The following RANBP3 variants were observed in gnomAD, a reference collection of about 807,000 sequenced individuals.
RANBP3 encodes RAN binding protein 3.
RANBP3 carries 14 observed loss-of-function variants against 77.3 expected under a neutral mutation model. That is an observed-to-expected ratio of 0.18 (90% CI 0.12 to 0.28). RANBP3 has a LOEUF of 0.28. Among genes scored for constraint, RANBP3 ranks in the 10% least tolerant of loss-of-function variants. The probability of loss-of-function intolerance (pLI) is 1.00; values close to 1 mark genes in which losing one functional copy is unlikely to be tolerated. For missense variants in RANBP3, 586 were observed against 752.3 expected, an observed-to-expected ratio of 0.78 and a Z score of 2.59; for synonymous variants, 315 against 312.4, an observed-to-expected ratio of 1.01 and a Z score of -0.09.
At chr19:5,970,062 T>C (rs1459183148) in intron 1 of RANBP3, among the ~76,000 whole-genome samples, 1 of 152,150 alleles carries the variant, frequency 6.6e-6, no homozygotes, top group East Asian at 1.9e-4. Flanking sequence ...ATTGTGACTG[T>C]CATGTTTGTG....
chr19:5,932,474 C>A lies in RANBP3; in HGVS notation c.543G>T (p.Gln181His). The part of the protein sequence containing the change: ...VLRPAVLQAP[Q>H]PKALSQTVPS... ...TACCAGTCTGGGACAGCGCCTTTGG[C>A]TGCGGAGCTTGTAACACTGCCGGGC... Residue 181 changes from glutamine (Q) to histidine (H), a missense_variant, in exon 7 of 17, where the codon CAG becomes CAT. Gln to His is a conservative substitution (Grantham distance 24, BLOSUM62 0). This residue lies in a region of RANBP3 where 232 missense variants were observed against 271.7 expected (regional missense o/e 0.85). Coordinates refer to ENST00000340578, the MANE Select transcript of RANBP3 (RefSeq NM_007322.3). The A allele has an allele frequency of 6.2e-7, 1 of 1,613,922 alleles. No homozygotes were observed. The highest frequency in any genetic ancestry group is 8.5e-7 in the Non-Finnish European group (1 of 1,180,008).
intron 7 of RANBP3, among the ~76,000 whole-genome samples, chr19:5,931,870 AATAAG>A (rs2057996974): frequency 6.6e-6 from 1 of 151,926 alleles, no homozygotes; most frequent in African/African-American, 2.4e-5. Flanking sequence ...TCGTTTCTAA[AATAAG>A]ATAAAACAAA....
chr19:5,923,528 G>A (rs1015546542), intron 12 of RANBP3, among the ~76,000 whole-genome samples: 9 of 152,098 alleles, frequency 5.9e-5, no homozygotes, highest in Non-Finnish European at 1.0e-4. Context: ...CCAGACTCTC[G>A]TGTTCGTGCC....
intron 3 of RANBP3, among the ~76,000 whole-genome samples, chr19:5,948,318 G>A (rs1186912988): frequency 2.6e-5 from 4 of 152,150 alleles, no homozygotes; most frequent in African/African-American, 9.7e-5. Context: ...TGGGCATGGT[G>A]GCGGGCGCCT....
intron 1 of RANBP3, chr19:5,965,921 T>C (rs2145252403): frequency 6.6e-6 from 1 of 152,264 alleles, no homozygotes; most frequent in South Asian, 2.1e-4. Flanking sequence ...TACACCAACA[T>C]CCTTTCACAG....
intron 2 of RANBP3, among the ~76,000 whole-genome samples, chr19:5,955,831 T>C (rs1012698861): frequency 6.6e-6 from 1 of 152,220 alleles, no homozygotes; most frequent in African/African-American, 2.4e-5. Context: ...TCTGTTCTTG[T>C]TGGCTCATGC....
intron 1 of RANBP3, among the ~76,000 whole-genome samples, chr19:5,976,035 G>C (rs568537350): frequency 7.6e-4 from 116 of 152,232 alleles, no homozygotes; most frequent in African/African-American, 2.7e-3. Flanking sequence ...TGACGGTGTT[G>C]GTGGGGAGAA....
intron 1 of RANBP3, among the ~76,000 whole-genome samples, chr19:5,973,711 G>T (rs1568485250): frequency 6.6e-6 from 1 of 152,230 alleles, no homozygotes; most frequent in Non-Finnish European, 1.5e-5. Flanking sequence ...CCCTTCAGCT[G>T]AATGTGTCCA....
At chr19:5,939,241 G>A (rs1449599086) in intron 5 of RANBP3, among the ~76,000 whole-genome samples, 1 of 152,162 alleles carries the variant, frequency 6.6e-6, no homozygotes, top group South Asian at 2.1e-4. Flanking sequence ...TTTGAAAAAT[G>A]AGTGATACAT....
Position 5,978,069 on chromosome 19 carries a change from G to A in RANBP3, c.14C>T (p.Ala5Val), listed in dbSNP as rs780268362. The A allele has an allele frequency of 3.7e-6, 6 of 1,610,294 alleles. No homozygotes were observed. The highest frequency in any genetic ancestry group is 2.2e-5 in the South Asian group (2 of 90,486). MADL[A>V]NEEKPAIAPP... ...AACGGCGCCTCCCCTACCTTCGTTCGCCAGGTCCGCCATTTTACTTCCTTA... is the reference window on the plus strand; with the variant it reads ...AACGGCGCCTCCCCTACCTTCGTTCACCAGGTCCGCCATTTTACTTCCTTA... Residue 5 changes from alanine to valine, a missense_variant, in exon 1 of 17, where the codon GCG becomes GTG. Ala to Val is a moderately conservative substitution (Grantham distance 64). This residue lies in a region of RANBP3 where 172 missense variants were observed against 183.4 expected (regional missense o/e 0.94). Transcript: ENST00000340578.
At chr19:5,925,402 C>G (rs966329326) in intron 10 of RANBP3, 1 of 584,450 alleles carries the variant, frequency 1.7e-6, no homozygotes, top group Non-Finnish European at 3.1e-6. Flanking sequence ...CCCTGGACAA[C>G]CCCACAGAAC....
At chr19:5,946,446 T>G (rs1159405424) in intron 3 of RANBP3, among the ~76,000 whole-genome samples, 1 of 152,148 alleles carries the variant, frequency 6.6e-6, no homozygotes, top group African/African-American at 2.4e-5. Flanking sequence ...TCTAAGAGCC[T>G]GCCTGCAACA....
At position 5,927,982 on chromosome 19, in the gene RANBP3, T is replaced by C. The variant is rs1481758440; in HGVS notation, c.799A>G (p.Arg267Gly). Residue 267 changes from arginine (R) to glycine (G), a missense_variant, in exon 9 of 17, where the codon AGG becomes GGG. Around this residue, in one of 5 missense-constraint regions of RANBP3, gnomAD observed 232 missense variants for 271.7 expected, o/e 0.85. Coordinates refer to ENST00000340578, the MANE Select transcript of RANBP3 (RefSeq NM_007322.3). ...QQAFVFGQNL[R>G]DRVKLINESV... is the part of the protein sequence containing the mutation. ...AGCTCACATACCTTAACTCTGTCCC[T>C]CAAGTTCTGCCCAAATACAAAGGCT... is the stretch of plus-strand genomic sequence containing the variant. The C allele has an allele frequency of 6.2e-7, 1 of 1,612,738 alleles. No homozygotes were observed. The highest frequency in any genetic ancestry group is 2.2e-5 in the East Asian group (1 of 44,826).
intron 9 of RANBP3, among the ~76,000 whole-genome samples, chr19:5,926,274 C>A (rs1020232828): frequency 6.6e-6 from 1 of 152,070 alleles, no homozygotes; most frequent in South Asian, 2.1e-4. Flanking sequence ...TGGCTGGGCG[C>A]GGTGGCTCGT....
At chr19:5,964,819 T>C (rs565809892) in intron 1 of RANBP3, among the ~76,000 whole-genome samples, 19 of 70,856 alleles carry the variant, frequency 2.7e-4, no homozygotes, top group African/African-American at 1.1e-3. Flanking sequence ...CAGGGCAGCC[T>C]GGGGGAAGAG....
Position 5,921,956 on chromosome 19 carries a change from A to G in RANBP3, c.1210-635T>C, listed in dbSNP as rs1278556186. 6.6e-6 allele frequency among the ~76,000 whole-genome samples: 1 copy of G among 152,204 alleles called. No individual in the cohort carries two copies. Among genetic ancestry groups the G allele is most frequent in the Non-Finnish European group, 1.5e-5 (1 of 68,034 alleles). On this transcript the variant is annotated intron_variant, in intron 13 of 16. Transcript: ENST00000340578. This position sits in a 1 kb window ranked among gnomAD's most constrained non-coding sequence, Gnocchi z 5.3. The stretch of plus-strand genomic sequence containing the variant: ...AGAAGCCAGACACGAAAGGCCACAT[A>G]GTGCGTTGATGCCATTTATATGAAA...
chr19:5,965,118 A>C (rs1275615838), intron 1 of RANBP3, among the ~76,000 whole-genome samples: 2 of 151,842 alleles, frequency 1.3e-5, no homozygotes, highest in East Asian at 3.9e-4. Context: ...TGCAGGGGGC[A>C]GTAGGTCTCT....
At chr19:5,947,047 C>T (rs1377933051) in intron 3 of RANBP3, among the ~76,000 whole-genome samples, 1 of 152,178 alleles carries the variant, frequency 6.6e-6, no homozygotes, top group Non-Finnish European at 1.5e-5. Flanking sequence ...GGCACGGTGG[C>T]TCATGCCTGT....
intron 2 of RANBP3, among the ~76,000 whole-genome samples, chr19:5,953,544 A>G (rs2058299804): frequency 6.6e-6 from 1 of 152,194 alleles, no homozygotes; most frequent in African/African-American, 2.4e-5. Flanking sequence ...TTATTCTGCT[A>G]GTACAACCTC....
Sources: allele counts gnomAD v4.1 joint callset (sites outside exome capture counted in the v4.1 genomes callset), GRCh38; gene constraint gnomAD v4.1.1; regional missense constraint gnomAD v4.1.1; non-coding constraint Gnocchi (gnomAD v3.1); transcripts MANE v1.5; gene names NCBI Gene and HGNC (gene_info 2026-07-23, HGNC 2026-07-21).